The following DNM2 variants were observed in gnomAD, a reference collection of about 807,000 sequenced individuals.
The protein encoded by DNM2 is dynamin-2.
A neutral mutation model predicts 99.0 loss-of-function variants in DNM2; 15 were observed. The observed-to-expected ratio is 0.15, with a 90% CI of 0.10 to 0.23. DNM2 has a LOEUF of 0.23. Among genes scored for constraint, DNM2 ranks in the 10% least tolerant of loss-of-function variants. The pLI is 1.00. For synonymous variants in DNM2, 525 were observed against 481.2 expected, an observed-to-expected ratio of 1.09 and a Z score of -1.19; for missense variants, 742 against 1,189.4, an observed-to-expected ratio of 0.62 and a Z score of 5.53.
intron 1 of DNM2, among the ~76,000 whole-genome samples, chr19:10,730,508 T>C (rs2069276943): frequency 6.7e-6 from 1 of 149,452 alleles, no homozygotes; most frequent in Non-Finnish European, 1.5e-5. Context: ...AAAACCAGAA[T>C]GGAGTGAATT....
At chr19:10,799,271 C>T (rs1453011392) in intron 11 of DNM2, among the ~76,000 whole-genome samples, 1 of 152,102 alleles carries the variant, frequency 6.6e-6, no homozygotes, top group Non-Finnish European at 1.5e-5. Context: ...CTGGCCACCA[C>T]CAGCCCGCTC....
At chr19:10,822,665 A>G (rs567231333) in intron 16 of DNM2, among the ~76,000 whole-genome samples, 2 of 151,286 alleles carry the variant, frequency 1.3e-5, no homozygotes, top group South Asian at 2.1e-4. Context: ...CTCCCAGCTA[A>G]TTTTTTGTAT....
At chr19:10,783,667 CTT>C (rs1316296838) in intron 6 of DNM2, among the ~76,000 whole-genome samples, 8 of 148,158 alleles carry the variant, frequency 5.4e-5, no homozygotes, top group African/African-American at 2.0e-4. Context: ...GTTAATAACT[CTT>C]TTTTATTTAT....
intron 7 of DNM2, 183 bp downstream of exon 7, chr19:10,786,889 G>T (rs2071578554): frequency 3.8e-6 from 5 of 1,312,776 alleles, no homozygotes; most frequent in Non-Finnish European, 1.0e-6. Context: ...GGAGGGGACA[G>T]GTGTCCGTCC....
chr19:10,737,191 G>A (rs1372424114), intron 1 of DNM2, among the ~76,000 whole-genome samples: 1 of 151,976 alleles, frequency 6.6e-6, no homozygotes, highest in Non-Finnish European at 1.5e-5. Context: ...TTCCCTCAGG[G>A]TAAAAATGAA....
rs369596325 is a variant in DNM2 at position 10,759,820 on chromosome 19, G to T, written c.235+9G>T. On this transcript the variant is annotated intron_variant, in intron 2 of 20. Coordinates refer to ENST00000389253, the MANE Select transcript of DNM2 (RefSeq NM_001005361.3). ...CATCTTCTCAAAAACAGGTAAAATGGGGCGGCCTGAGGTTCAGCAGGAAGT... is the reference window on the plus strand; with the variant it reads ...CATCTTCTCAAAAACAGGTAAAATGTGGCGGCCTGAGGTTCAGCAGGAAGT... 8.7e-6 allele frequency: 14 copies of T among 1,614,012 alleles called. No homozygotes were observed. Among genetic ancestry groups the T allele is most frequent in the African/African-American group, 4.0e-5 (3 of 74,914 alleles).
chr19:10,777,336 CCTT>C (rs2071188018), intron 5 of DNM2, 120 bp downstream of exon 5: 13 of 935,386 alleles, frequency 1.4e-5, no homozygotes, highest in East Asian at 2.6e-5. Context: ...CACCGTAACT[CCTT>C]CTTTCTTTTC....
At chr19:10,721,499 A>T (rs1045869468) in intron 1 of DNM2, among the ~76,000 whole-genome samples, 6 of 152,154 alleles carry the variant, frequency 3.9e-5, no homozygotes, top group African/African-American at 1.4e-4. Context: ...CAAAGTTGTA[A>T]AAAGGCCTCT....
At position 10,818,217 on chromosome 19, in the gene DNM2, C is replaced by G. The variant is rs1023601218; in HGVS notation, c.1672-1763C>G. On this transcript the variant is annotated intron_variant, in intron 15 of 20. Transcript: ENST00000389253. This position sits in a 1 kb window ranked among gnomAD's most constrained non-coding sequence, Gnocchi z 4.3. The stretch of plus-strand genomic sequence containing the variant: ...CCTCCATGGCCACCGGGCCCCTCTC[C>G]TATGCTCTGCTCCCTCCATGGCCAC... Among the ~76,000 whole-genome samples the G allele has an allele frequency of 3.7e-5, 4 of 108,984 alleles. No individual in the cohort carries two copies. Among genetic ancestry groups the G allele is most frequent in the Non-Finnish European group, 8.2e-5 (4 of 48,642 alleles). 71.5% of individuals were successfully genotyped at this position (108,984 alleles called of 152,430 possible).
chr19:10,786,952 CAAGA>C (rs2071581188), intron 7 of DNM2, among the ~76,000 whole-genome samples: 1 of 152,236 alleles, frequency 6.6e-6, no homozygotes. Flanking sequence ...GGACAAAAAA[CAAGA>C]AAGAAAATGT....
rs967351981 is a variant in DNM2, at chr19:10,765,451, T to C, written c.235+5640T>C. On this transcript the variant is annotated intron_variant, in intron 2 of 20. Transcript: ENST00000389253. The surrounding 1 kb of genome is among the most constrained non-coding windows in gnomAD (Gnocchi z 4.4). The stretch of plus-strand genomic sequence containing the variant: ...ATGGGGGTTACTTTACCAAGCATCT[T>C]CCCCTGGTGAGCCTGGTCCATCACT... Among the ~76,000 whole-genome samples the C allele has an allele frequency of 2.0e-5, 3 of 152,204 alleles. No homozygotes were observed. The highest frequency in any genetic ancestry group is 7.2e-5 in the African/African-American group (3 of 41,454).
At chr19:10,719,869 G>A (rs1330071897) in intron 1 of DNM2, among the ~76,000 whole-genome samples, 1 of 152,196 alleles carries the variant, frequency 6.6e-6, no homozygotes, top group Non-Finnish European at 1.5e-5. Context: ...CCACTAGGCT[G>A]GCGTAAGGCC....
In DNM2 at chr19:10,795,256, A is replaced by T; in HGVS notation, c.1129-116A>T. The T allele has an allele frequency of 2.0e-6, 2 of 977,640 alleles. No homozygotes were observed. Among genetic ancestry groups the T allele is most frequent in the Non-Finnish European group, 3.3e-6 (2 of 611,600 alleles). The allele number at this position is 977,640 out of a possible 1,614,324, so 60.6% of individuals were successfully genotyped here. A position where few individuals can be genotyped will look rare whatever the true frequency, so the allele number is the denominator to read the frequency against. The stretch of plus-strand genomic sequence containing the variant: ...TTTTTAAATAAAATTTTGACGAGTT[A>T]AATATTCTGCCTTGTGAATATAGCC... On this transcript the variant is annotated intron_variant, in intron 8 of 20. Transcript: ENST00000389253. This position sits in a 1 kb window ranked among gnomAD's most constrained non-coding sequence, Gnocchi z 4.2.
At chr19:10,773,580 C>G (rs1294483250) in intron 3 of DNM2, among the ~76,000 whole-genome samples, 1 of 151,874 alleles carries the variant, frequency 6.6e-6, no homozygotes, top group African/African-American at 2.4e-5. Context: ...TCCCGAGTAG[C>G]TGGGATTACA....
At chr19:10,785,044 C>G (rs1302835200) in intron 6 of DNM2, among the ~76,000 whole-genome samples, 1 of 151,890 alleles carries the variant, frequency 6.6e-6, no homozygotes, top group Non-Finnish European at 1.5e-5. Flanking sequence ...GGCTTGTCTC[C>G]TAATCTCAGG....
chr19:10,752,505 C>T (rs1489406594), intron 1 of DNM2, among the ~76,000 whole-genome samples: 5 of 152,236 alleles, frequency 3.3e-5, no homozygotes. Context: ...AGTCACAGGA[C>T]AGCACAGGCC....
intron 16 of DNM2, among the ~76,000 whole-genome samples, chr19:10,821,587 A>C (rs929930223): frequency 6.6e-6 from 1 of 151,974 alleles, no homozygotes; most frequent in Non-Finnish European, 1.5e-5. Flanking sequence ...GCTAGAGTGC[A>C]ATGGTGCGAT....
chr19:10,725,715 G>A (rs952804629), intron 1 of DNM2, among the ~76,000 whole-genome samples: 1 of 152,122 alleles, frequency 6.6e-6, no homozygotes, highest in Admixed American at 6.6e-5. Context: ...TTGTGATCTC[G>A]TTGGTTGGCT....
chr19:10,829,911 G>GC (rs1467851549), intron 19 of DNM2, among the ~76,000 whole-genome samples: 2 of 152,258 alleles, frequency 1.3e-5, no homozygotes, highest in African/African-American at 4.8e-5. Context: ...TGGATCCCAG[G>GC]CCCAAGGCCT....
Sources: allele counts gnomAD v4.1 joint callset (sites outside exome capture counted in the v4.1 genomes callset), GRCh38; gene constraint gnomAD v4.1.1; non-coding constraint Gnocchi (gnomAD v3.1); transcripts MANE v1.5; gene names NCBI Gene and HGNC (gene_info 2026-07-23, HGNC 2026-07-21).